Variants in FAM178B observed in about 807,000 individuals in gnomAD.
FAM178B encodes protein FAM178B.
FAM178B carries 82 observed loss-of-function variants against 91.7 expected under a neutral mutation model. The observed-to-expected ratio is 0.89, with a 90% CI of 0.75 to 1.07. The LOEUF (loss-of-function observed/expected upper bound fraction) is 1.07. Among genes scored for constraint, FAM178B ranks in the 50% least tolerant of loss-of-function variants. The pLI is 0.00. For missense variants in FAM178B, 769 were observed against 846.7 expected (o/e 0.91, Z 1.14); for synonymous variants, 368 against 359.4 (o/e 1.02, Z -0.27).
chr2:96,972,043 TG>T lies in FAM178B; in HGVS notation c.421del (p.Gln141ArgfsTer3), dbSNP rs1473925401. On this transcript the variant is annotated frameshift_variant, in exon 3 of 17. Transcript: ENST00000490605. LOFTEE classifies it high-confidence loss of function. ...AQRWVGVVGP[Q>X]GLRRLAGELP... The stretch of plus-strand genomic sequence containing the variant: ...CTCACCAGCCAGTCTCCTCAGGCCC[TG>T]GGGGCCCACCACACCCACCCACCTC... The T allele has an allele frequency of 2.6e-6, 4 of 1,550,540 alleles. No individual in the cohort carries two copies. The highest frequency in any genetic ancestry group is 2.0e-5 in the Admixed American group (1 of 50,886).
At chr2:96,905,564 AAAAAAG>A (rs1377076776) in intron 12 of FAM178B, among the ~76,000 whole-genome samples, 3 of 150,622 alleles carry the variant, frequency 2.0e-5, no homozygotes, top group Admixed American at 6.6e-5. Flanking sequence ...CTCAAAAAAA[AAAAAAG>A]AAAAAGAAAA....
At chr2:96,900,961 T>C (rs1475979402) in intron 13 of FAM178B, among the ~76,000 whole-genome samples, 1 of 152,122 alleles carries the variant, frequency 6.6e-6, no homozygotes, top group Non-Finnish European at 1.5e-5. Flanking sequence ...GTAGCTGAGC[T>C]GGAAGGGTCA....
intron 12 of FAM178B, among the ~76,000 whole-genome samples, chr2:96,905,127 G>A (rs1201930314): frequency 6.6e-6 from 1 of 151,638 alleles, no homozygotes; most frequent in Non-Finnish European, 1.5e-5. Context: ...GGGGGTGGGG[G>A]GCAGGTTCTG....
intron 12 of FAM178B, among the ~76,000 whole-genome samples, chr2:96,910,642 C>T (rs1363339240): frequency 6.6e-6 from 1 of 152,122 alleles, no homozygotes; most frequent in Admixed American, 6.6e-5. Context: ...TACTTTGGTG[C>T]CCTTCTTTCC....
At chr2:96,887,604 T>C (rs549293184) in intron 14 of FAM178B, among the ~76,000 whole-genome samples, 119 of 152,290 alleles carry the variant, frequency 7.8e-4, no homozygotes, top group Non-Finnish European at 1.3e-3. Context: ...CATCACTGCT[T>C]GGATTCAAAT....
At chr2:96,903,464 A>G (rs1473317654) in intron 12 of FAM178B, among the ~76,000 whole-genome samples, 1 of 152,204 alleles carries the variant, frequency 6.6e-6, no homozygotes, top group East Asian at 1.9e-4. Flanking sequence ...TTCACCCAGT[A>G]TCCACTGGGC....
At chr2:96,966,146 C>A (rs1329865394) in intron 5 of FAM178B, among the ~76,000 whole-genome samples, 4 of 152,050 alleles carry the variant, frequency 2.6e-5, no homozygotes, top group Non-Finnish European at 5.9e-5. Context: ...TCCTATCCCC[C>A]ACCAGCCCCC....
chr2:96,915,707 T>C (rs987562046), intron 12 of FAM178B, among the ~76,000 whole-genome samples: 2 of 151,424 alleles, frequency 1.3e-5, no homozygotes, highest in African/African-American at 4.9e-5. Context: ...TCCCAGCCAC[T>C]TGGGAGGCTG....
chr2:96,890,198 C>T (rs922474441), intron 14 of FAM178B, among the ~76,000 whole-genome samples: 1 of 152,150 alleles, frequency 6.6e-6, no homozygotes, highest in East Asian at 1.9e-4. Context: ...TCGCTTGAAC[C>T]TGGGAGGTGG....
At chr2:96,969,134 T>C (rs530683341) in intron 4 of FAM178B, among the ~76,000 whole-genome samples, 4 of 152,314 alleles carry the variant, frequency 2.6e-5, no homozygotes, top group East Asian at 1.9e-4. Context: ...TTATGCTAAA[T>C]TGCCAGGGAA....
chr2:96,928,713 G>A (rs979282661), intron 9 of FAM178B, among the ~76,000 whole-genome samples: 2 of 152,098 alleles, frequency 1.3e-5, no homozygotes, highest in East Asian at 1.9e-4. Context: ...ATCCATCCTG[G>A]GGGCTTCCCA....
chr2:96,906,579 C>A (rs1331650545), intron 12 of FAM178B, among the ~76,000 whole-genome samples: 1 of 152,194 alleles, frequency 6.6e-6, no homozygotes. Flanking sequence ...TTCCCCCACA[C>A]TGAGCACTGA....
chr2:96,945,486 T>C (rs1413120315), intron 8 of FAM178B, among the ~76,000 whole-genome samples: 1 of 152,134 alleles, frequency 6.6e-6, no homozygotes, highest in East Asian at 1.9e-4. Context: ...GATGGAAGTT[T>C]ACACACAAAC....
chr2:96,883,623 G>T lies in FAM178B; in HGVS notation c.1777-5130C>A, dbSNP rs369640240. ...TGGGGCAGCTACTGTGTGTGTGTTG[G>T]GGGGAGAACCAAGGCTGACCCAGGA... is the stretch of plus-strand genomic sequence containing the variant. On this transcript the variant is annotated intron_variant, in intron 14 of 16. Transcript: ENST00000490605. Among the ~76,000 whole-genome samples, 421 of 152,300 alleles carry T rather than the reference G, an allele frequency of 2.8e-3. 4 individuals carry two copies. Among genetic ancestry groups the T allele is most frequent in the African/African-American group, 9.5e-3 (396 of 41,554 alleles).
chr2:96,897,648 C>A (rs1025707802), intron 13 of FAM178B, among the ~76,000 whole-genome samples: 18 of 152,206 alleles, frequency 1.2e-4, no homozygotes, highest in African/African-American at 3.9e-4. Flanking sequence ...AATGCACCTA[C>A]AACCTGACCA....
chr2:96,966,908 C>T (rs2082150659), intron 5 of FAM178B, among the ~76,000 whole-genome samples: 1 of 152,184 alleles, frequency 6.6e-6, no homozygotes, highest in Non-Finnish European at 1.5e-5. Context: ...CTCAGACCTC[C>T]AGCCTCCATA....
intron 12 of FAM178B, among the ~76,000 whole-genome samples, chr2:96,904,523 G>A (rs1478120789): frequency 3.4e-5 from 5 of 149,034 alleles, no homozygotes; most frequent in South Asian, 2.2e-4. Flanking sequence ...AGTCACGCAC[G>A]CGCCACCATG....
At chr2:96,930,951 A>C (rs2081529714) in intron 8 of FAM178B, among the ~76,000 whole-genome samples, 1 of 152,142 alleles carries the variant, frequency 6.6e-6, no homozygotes, top group Non-Finnish European at 1.5e-5. Context: ...CAGACACCAA[A>C]TTTGCTGGTA....
chr2:96,896,289 T>C (rs575165970), intron 13 of FAM178B, among the ~76,000 whole-genome samples: 1 of 152,338 alleles, frequency 6.6e-6, no homozygotes, highest in African/African-American at 2.4e-5. Context: ...AGCTTGGCTG[T>C]GCTCAGTGCA....
Sources: allele counts gnomAD v4.1 joint callset (sites outside exome capture counted in the v4.1 genomes callset), GRCh38; gene constraint gnomAD v4.1.1; transcripts MANE v1.5; gene names NCBI Gene and HGNC (gene_info 2026-07-23, HGNC 2026-07-21).